Variants in ANO5 observed in about 807,000 individuals in gnomAD.
ANO5 encodes anoctamin 5, also known as anoctamin-5.
ANO5 carries 109 observed loss-of-function variants against 121.0 expected under a neutral mutation model. That is an observed-to-expected ratio of 0.90 (90% CI 0.77 to 1.06). The LOEUF is 1.06. Among genes scored for constraint, ANO5 ranks in the 50% least tolerant of loss-of-function variants. The pLI is 0.00. For synonymous variants in ANO5, 406 were observed against 359.9 expected (o/e 1.13, Z -1.45); for missense variants, 1,064 against 1,078.5 (o/e 0.99, Z 0.19).
chr11:22,193,889 G>A (rs1012925203), intron 1 of ANO5, among the ~76,000 whole-genome samples: 40 of 152,342 alleles, frequency 2.6e-4, no homozygotes, highest in Admixed American at 9.8e-4. Context: ...TCCGAACCCA[G>A]CCAATGGAAA....
intron 9 of ANO5, among the ~76,000 whole-genome samples, chr11:22,244,999 C>T (rs572340301): frequency 6.6e-6 from 1 of 152,216 alleles, no homozygotes; most frequent in South Asian, 2.1e-4. Context: ...GGCTGGTGTT[C>T]CATTAATTGT....
chr11:22,211,349 G>T lies in ANO5; in HGVS notation c.138+35G>T, dbSNP rs369600835. 70 of 1,597,902 alleles carry T rather than the reference G, an allele frequency of 4.4e-5. No homozygotes were observed. The South Asian group carries it at 7.5e-4, about 17-fold the overall frequency. On this transcript the variant is annotated intron_variant, in intron 3 of 21. Coordinates refer to ENST00000324559, the MANE Select transcript of ANO5 (RefSeq NM_213599.3). ...GACCAGTACTATCCTTTCTTGCATGGACACAAATGGGGCATCTTTTTGTAG... is the reference window on the plus strand; with the variant it reads ...GACCAGTACTATCCTTTCTTGCATGTACACAAATGGGGCATCTTTTTGTAG...
chr11:22,224,260 C>T (rs1852752634), intron 5 of ANO5, among the ~76,000 whole-genome samples: 1 of 152,012 alleles, frequency 6.6e-6, no homozygotes, highest in Non-Finnish European at 1.5e-5. Flanking sequence ...ATTTTATATA[C>T]ATTAATCATA....
At chr11:22,252,534 T>C (rs924381937) in intron 12 of ANO5, among the ~76,000 whole-genome samples, 7 of 152,200 alleles carry the variant, frequency 4.6e-5, no homozygotes, top group Non-Finnish European at 7.3e-5. Context: ...CCTTGATGTT[T>C]GAAGTATTTA....
At chr11:22,213,725 A>G (rs1852353809) in intron 3 of ANO5, among the ~76,000 whole-genome samples, 1 of 151,780 alleles carries the variant, frequency 6.6e-6, no homozygotes, top group African/African-American at 2.4e-5. Flanking sequence ...TTATAGGTGA[A>G]TCCATTATTT....
At chr11:22,244,864 ATGTC>A (rs1391962684) in intron 9 of ANO5, among the ~76,000 whole-genome samples, 1 of 151,908 alleles carries the variant, frequency 6.6e-6, no homozygotes, top group African/African-American at 2.4e-5. Flanking sequence ...TCTGAATTGT[ATGTC>A]TGTCATTTCT....
At chr11:22,248,940 T>A (rs936401453) in intron 9 of ANO5, among the ~76,000 whole-genome samples, 68 of 152,150 alleles carry the variant, frequency 4.5e-4, no homozygotes, top group African/African-American at 1.6e-3. Flanking sequence ...TTTTTCTGAT[T>A]TTGATGTCAT....
rs12575060 is a variant in ANO5, at chr11:22,210,500, T to C, written c.88-764T>C. Among the ~76,000 whole-genome samples, 2,041 of 152,060 alleles carry C rather than the reference T, an allele frequency of 0.013. 148 individuals carry two copies. In the East Asian group the frequency reaches 0.21, roughly 16 times the overall value. ...TTTTTCCAAGAACAAGGTAAGTGAATTACAATCTGGACATGAATTTCCGAT... is the reference window on the plus strand; with the variant it reads ...TTTTTCCAAGAACAAGGTAAGTGAACTACAATCTGGACATGAATTTCCGAT... On this transcript the variant is annotated intron_variant, in intron 2 of 21. Transcript: ENST00000324559.
At chr11:22,251,890 C>T (rs867128175) in intron 12 of ANO5, among the ~76,000 whole-genome samples, 7 of 151,678 alleles carry the variant, frequency 4.6e-5, no homozygotes, top group Middle Eastern at 3.4e-3. Context: ...ATTAGCCAGG[C>T]GTGGTGGCAG....
chr11:22,203,866 A>T lies in ANO5; in HGVS notation c.87+16A>T. 7.0e-7 allele frequency: 1 copy of T among 1,425,240 alleles called. No homozygotes were observed. The highest frequency in any genetic ancestry group is 9.8e-7 in the Non-Finnish European group (1 of 1,015,904). 88.3% of individuals were successfully genotyped at this position (1,425,240 alleles called of 1,614,324 possible). On this transcript the variant is annotated intron_variant, in intron 2 of 21. Transcript: ENST00000324559. Reference sequence around the variant, plus strand: ...AATGAGTGAGGTAAGTTAAATATATATGCATTAACTTCCTTATAAGTCAGA... The same window carrying T: ...AATGAGTGAGGTAAGTTAAATATATTTGCATTAACTTCCTTATAAGTCAGA...
rs746024436 is a variant in ANO5 at position 22,280,022 on chromosome 11, G to A, written c.*257G>A. 6.4e-6 allele frequency: 3 copies of A among 468,138 alleles called. No individual in the cohort carries two copies. The highest frequency in any genetic ancestry group is 3.8e-5 in the Admixed American group (1 of 26,510). 29.0% of individuals were successfully genotyped at this position (468,138 alleles called of 1,614,324 possible). A position where few individuals can be genotyped will look rare whatever the true frequency, so the allele number is the denominator to read the frequency against. The stretch of plus-strand genomic sequence containing the variant: ...GGTGCTGTAAATGACTGTTGAAAGT[G>A]CAGGTAGAATCAGAATACTGGGAAA... On this transcript the variant is annotated 3_prime_UTR_variant, in exon 22 of 22. Coordinates refer to ENST00000324559, the MANE Select transcript of ANO5 (RefSeq NM_213599.3).
intron 17 of ANO5, among the ~76,000 whole-genome samples, chr11:22,266,909 G>T (rs1393640372): frequency 2.0e-5 from 3 of 152,234 alleles, no homozygotes; most frequent in African/African-American, 7.2e-5. Flanking sequence ...AATATCTCCA[G>T]AGAGTGCAAT....
intron 19 of ANO5, among the ~76,000 whole-genome samples, 167 bp from the exon 20 acceptor site, chr11:22,274,402 A>G (rs1307745533): frequency 1.3e-5 from 2 of 152,126 alleles, no homozygotes; most frequent in East Asian, 1.9e-4. Flanking sequence ...ACTGTAAATG[A>G]GCTACTTTGT....
intron 8 of ANO5, among the ~76,000 whole-genome samples, chr11:22,239,350 T>C (rs1853345173): frequency 6.6e-6 from 1 of 152,120 alleles, no homozygotes; most frequent in South Asian, 2.1e-4. Flanking sequence ...AAAGCCAAAG[T>C]CTTATACTTT....
At chr11:22,211,656 T>C (rs1852280760) in intron 3 of ANO5, among the ~76,000 whole-genome samples, 1 of 151,950 alleles carries the variant, frequency 6.6e-6, no homozygotes, top group Non-Finnish European at 1.5e-5. Context: ...GAGGCTTACT[T>C]AGTTCAGTAT....
intron 17 of ANO5, among the ~76,000 whole-genome samples, chr11:22,267,250 TG>T (rs1342075288): frequency 6.6e-6 from 1 of 151,930 alleles, no homozygotes; most frequent in African/African-American, 2.4e-5. Context: ...TTAACATTAT[TG>T]TTTTTCACTT....
chr11:22,198,787 A>T (rs1250511403), intron 1 of ANO5, among the ~76,000 whole-genome samples: 1 of 152,186 alleles, frequency 6.6e-6, no homozygotes, highest in Non-Finnish European at 1.5e-5. Context: ...GTCAATGTTA[A>T]CTATCATATC....
chr11:22,203,076 C>A (rs1253410814), intron 1 of ANO5, among the ~76,000 whole-genome samples: 3 of 151,990 alleles, frequency 2.0e-5, no homozygotes, highest in African/African-American at 7.2e-5. Flanking sequence ...GTTTCATTCG[C>A]CAGTTTTTCT....
chr11:22,227,269 G>A, intron 6 of ANO5, 33 bp from the exon 7 acceptor site: 1 of 1,607,802 alleles, frequency 6.2e-7, no homozygotes, highest in South Asian at 1.1e-5. Flanking sequence ...TGATCAGTAA[G>A]CTTTCTGCTG....
Sources: gnomAD v4.1 joint callset for allele counts (sites outside exome capture counted in the v4.1 genomes callset) on GRCh38, gnomAD v4.1.1 for gene constraint, MANE v1.5 for transcripts, NCBI Gene and HGNC (gene_info 2026-07-23, HGNC 2026-07-21) for gene names.